The following MTX2 variants were observed in gnomAD, a reference collection of about 807,000 sequenced individuals.
The protein encoded by MTX2 is metaxin 2, also known as metaxin-2.
Under a neutral mutation model 42.3 loss-of-function variants are expected in MTX2, and 35 were observed. That is an observed-to-expected ratio of 0.83 (90% CI 0.63 to 1.10). The LOEUF (loss-of-function observed/expected upper bound fraction) is 1.10, where lower values mean the gene tolerates loss of function less well. MTX2 is among the 50% of genes least tolerant of loss of function. MTX2 has a pLI of 0.00. For missense variants in MTX2, 307 were observed against 304.1 expected (o/e 1.01, Z -0.07); for synonymous variants, 119 against 100.9 (o/e 1.18, Z -1.08).
At chr2:176,329,525 G>A in intron 8 of MTX2, 99 bp downstream of exon 8, 2 of 1,177,120 alleles carry the variant, frequency 1.7e-6, no homozygotes, top group South Asian at 2.3e-5. Flanking sequence ...TATAAGATTT[G>A]CAAGAAAACC....
At chr2:176,316,311 G>C (rs1012264576) in intron 3 of MTX2, among the ~76,000 whole-genome samples, 3 of 152,304 alleles carry the variant, frequency 2.0e-5, no homozygotes, top group African/African-American at 7.2e-5. Flanking sequence ...CCTTATTAGA[G>C]ATTCCAGAGG....
intron 3 of MTX2, among the ~76,000 whole-genome samples, chr2:176,319,113 TAA>T (rs925074800): frequency 3.0e-4 from 45 of 152,346 alleles, no homozygotes; most frequent in African/African-American, 1.0e-3. Context: ...AACCGAGGAA[TAA>T]GAGTTAGCTG....
rs191499885 is a variant in MTX2 at position 176,326,827 on chromosome 2, A to G, written c.211A>G (p.Lys71Glu). 7.7e-6 allele frequency: 12 copies of G among 1,555,276 alleles called. No individual in the cohort carries two copies. The Admixed American group carries it at 1.4e-4, about 18-fold the overall frequency. Residue 71 changes from lysine to glutamate, a missense_variant and splice_region_variant, in exon 5 of 10, where the codon AAA (lysine) becomes GAA (glutamate). By Grantham distance (56) the Lys-to-Glu change is moderately conservative. Transcript: ENST00000249442. ...ANAEYMSPSG[K>E]VPFIHVGNQV... ...ATACTTTTTTTTTCTCTCAACAGGT[A>G]AAGTACCTTTTATTCATGTGGGAAA...
Position 176,270,568 on chromosome 2 carries a change from A to G in MTX2, c.40+899A>G, listed in dbSNP as rs145057245. 2.2e-3 allele frequency: 870 copies of G among 390,558 alleles called. 7 individuals are homozygous for G. The highest frequency in any genetic ancestry group is 0.017 in the African/African-American group (799 of 47,508). The allele number at this position is 390,558 out of a possible 1,614,324, so 24.2% of individuals were successfully genotyped here. A position where few individuals can be genotyped will look rare whatever the true frequency, so the allele number is the denominator to read the frequency against. Reference sequence around the variant, plus strand: ...CCCTAGCAGTGTTTTCAACATGAGTACAGTAATGAAGACAGTCACCACAAT... The same window carrying G: ...CCCTAGCAGTGTTTTCAACATGAGTGCAGTAATGAAGACAGTCACCACAAT... On this transcript the variant is annotated intron_variant, in intron 1 of 9. Transcript: ENST00000249442.
chr2:176,302,833 C>G (rs1684058287), intron 3 of MTX2, among the ~76,000 whole-genome samples: 3 of 152,216 alleles, frequency 2.0e-5, no homozygotes, highest in Middle Eastern at 6.8e-3. Context: ...TTGCATTTTC[C>G]TTTTAGCAAA....
At chr2:176,287,872 C>G (rs944480488) in intron 1 of MTX2, among the ~76,000 whole-genome samples, 1 of 149,832 alleles carries the variant, frequency 6.7e-6, no homozygotes, top group African/African-American at 2.4e-5. Context: ...AGTAGCCTTA[C>G]CACTGTGCTA....
Position 176,287,912 on chromosome 2 carries a change from T to A in MTX2, c.41-8948T>A, listed in dbSNP as rs555033797. On this transcript the variant is annotated intron_variant, in intron 1 of 9. Transcript: ENST00000249442. ...ATACTGACTGCTTTTTTTTTTTTTT[T>A]AACGTTTATGGAAATGGCAATATGA... Among the ~76,000 whole-genome samples, 5 of 147,524 alleles carry A rather than the reference T, an allele frequency of 3.4e-5. No homozygotes were observed. The East Asian group carries it at 9.8e-4, about 29-fold the overall frequency.
rs185694249 is a variant in MTX2 at position 176,319,732 on chromosome 2, C to T, written c.136-3660C>T. On this transcript the variant is annotated intron_variant, in intron 3 of 9. Coordinates refer to ENST00000249442, the MANE Select transcript of MTX2 (RefSeq NM_006554.5). ...CTGGGACTACAGGCACACACCACCA[C>T]GCCCGGCTAATTTTTGTATTGTTAG... Among the ~76,000 whole-genome samples, 266 of 152,062 alleles carry T rather than the reference C, an allele frequency of 1.7e-3. 2 individuals carry two copies. Among genetic ancestry groups the T allele is most frequent in the African/African-American group, 5.8e-3 (240 of 41,496 alleles).
At chr2:176,322,767 A>G (rs1684615635) in intron 3 of MTX2, among the ~76,000 whole-genome samples, 1 of 152,042 alleles carries the variant, frequency 6.6e-6, no homozygotes, top group South Asian at 2.1e-4. Context: ...TGTGTATAGC[A>G]TTCCATAGTT....
intron 3 of MTX2, among the ~76,000 whole-genome samples, chr2:176,319,848 A>C (rs1684534659): frequency 6.6e-6 from 1 of 152,098 alleles, no homozygotes; most frequent in South Asian, 2.1e-4. Context: ...TGCTGCGATT[A>C]TAGGCATGAG....
chr2:176,288,074 T>A (rs1259347160), intron 1 of MTX2, among the ~76,000 whole-genome samples: 1 of 152,072 alleles, frequency 6.6e-6, no homozygotes, highest in Non-Finnish European at 1.5e-5. Context: ...CTGTATCGTA[T>A]CATTAAACAT....
At chr2:176,305,830 A>G (rs1271990219) in intron 3 of MTX2, among the ~76,000 whole-genome samples, 5 of 152,078 alleles carry the variant, frequency 3.3e-5, no homozygotes, top group Non-Finnish European at 7.4e-5. Context: ...CTCAAATAAC[A>G]TTTCATATTT....
intron 9 of MTX2, among the ~76,000 whole-genome samples, chr2:176,333,523 TAAA>T (rs1370386904): frequency 6.6e-6 from 1 of 151,664 alleles, no homozygotes; most frequent in African/African-American, 2.4e-5. Flanking sequence ...TTGTACTTCT[TAAA>T]AAGACTTGTT....
intron 1 of MTX2, among the ~76,000 whole-genome samples, chr2:176,293,196 C>T (rs987591717): frequency 1.3e-5 from 2 of 151,932 alleles, no homozygotes; most frequent in African/African-American, 4.8e-5. Flanking sequence ...GTTCTTTTTC[C>T]CACTCCAGGG....
chr2:176,332,484 T>C (rs563865235), intron 9 of MTX2, among the ~76,000 whole-genome samples: 7 of 151,318 alleles, frequency 4.6e-5, no homozygotes, highest in African/African-American at 1.2e-4. Flanking sequence ...GTCCTAAAAT[T>C]AGAATTAACC....
At chr2:176,321,605 C>T (rs1684584323) in intron 3 of MTX2, among the ~76,000 whole-genome samples, 1 of 152,136 alleles carries the variant, frequency 6.6e-6, no homozygotes, top group Admixed American at 6.6e-5. Flanking sequence ...TCAGCTGCTA[C>T]TTCATGGTTC....
At chr2:176,274,915 T>C (rs1692911706) in intron 1 of MTX2, among the ~76,000 whole-genome samples, 1 of 152,174 alleles carries the variant, frequency 6.6e-6, no homozygotes, top group African/African-American at 2.4e-5. Context: ...AAAATGACGT[T>C]GCCTCTCTTC....
chr2:176,313,967 C>T (rs1246248496), intron 3 of MTX2, among the ~76,000 whole-genome samples: 1 of 152,032 alleles, frequency 6.6e-6, no homozygotes, highest in African/African-American at 2.4e-5. Flanking sequence ...TTCTTGTGCA[C>T]AGTAGCCACC....
chr2:176,321,187 T>G (rs1255061466), intron 3 of MTX2, among the ~76,000 whole-genome samples: 1 of 152,202 alleles, frequency 6.6e-6, no homozygotes, highest in Non-Finnish European at 1.5e-5. Flanking sequence ...TTATATTCAT[T>G]TTCTCTAATT....
Sources: gnomAD v4.1 joint callset for allele counts (sites outside exome capture counted in the v4.1 genomes callset) on GRCh38, gnomAD v4.1.1 for gene constraint, MANE v1.5 for transcripts, NCBI Gene and HGNC (gene_info 2026-07-23, HGNC 2026-07-21) for gene names.